Variants in NOP14 observed in about 807,000 individuals in gnomAD.
NOP14 encodes the protein NOP14 nucleolar protein, also known as nucleolar protein 14.
Under a neutral mutation model 101.6 loss-of-function variants are expected in NOP14, and 57 were observed. That is an observed-to-expected ratio of 0.56 (90% CI 0.45 to 0.70). The LOEUF is 0.70. Among genes scored for constraint, NOP14 ranks in the 30% least tolerant of loss-of-function variants. The pLI, the probability that NOP14 is intolerant of heterozygous loss-of-function variation, is 0.00. For synonymous variants in NOP14, 428 were observed against 424.0 expected (o/e 1.01, Z -0.12); for missense variants, 1,134 against 1,075.5 (o/e 1.05, Z -0.76).
At chr4:2,956,645 C>A in intron 3 of NOP14, 25 bp downstream of exon 3, 1 of 1,602,974 alleles carries the variant, frequency 6.2e-7, no homozygotes, top group Non-Finnish European at 8.5e-7. Flanking sequence ...CGCCCACAGG[C>A]CCGTGCACAG....
At chr4:2,943,097 G>A (rs1194147125) in intron 13 of NOP14, among the ~76,000 whole-genome samples, 1 of 152,218 alleles carries the variant, frequency 6.6e-6, no homozygotes, top group Non-Finnish European at 1.5e-5. Context: ...TGGCTCTCCC[G>A]GAGGCAGGGA....
intron 5 of NOP14, 67 bp from the exon 6 acceptor site, chr4:2,952,464 G>C (rs746686384): frequency 7.2e-7 from 1 of 1,395,904 alleles, no homozygotes; most frequent in East Asian, 2.5e-5. Context: ...AAAAAGAAAA[G>C]ATCTAGCTTC....
At chr4:2,963,000 C>T (rs1716218865) in intron 1 of NOP14, 125 bp downstream of exon 1, 1 of 959,754 alleles carries the variant, frequency 1.0e-6, no homozygotes, top group Non-Finnish European at 1.5e-6. Flanking sequence ...CAAGTCAGTG[C>T]CGTGTGCCTG....
At chr4:2,949,609 C>G (rs1238526696) in intron 8 of NOP14, among the ~76,000 whole-genome samples, 1 of 152,184 alleles carries the variant, frequency 6.6e-6, no homozygotes, top group Non-Finnish European at 1.5e-5. Context: ...AGCCTTCTCG[C>G]AGATGCTCAC....
chr4:2,961,057 T>C (rs1201008295), intron 1 of NOP14, among the ~76,000 whole-genome samples: 5 of 116,152 alleles, frequency 4.3e-5, no homozygotes, highest in Admixed American at 2.1e-4. Flanking sequence ...TAATACTACA[T>C]CAATATTATA....
intron 11 of NOP14, 37 bp downstream of exon 11, chr4:2,946,374 CT>C: frequency 6.2e-7 from 1 of 1,611,050 alleles, no homozygotes; most frequent in Non-Finnish European, 8.5e-7. Flanking sequence ...AACAGAACTT[CT>C]GTGGCAGGGG....
At chr4:2,955,460 CCCT>C (rs1463990872) in intron 3 of NOP14, among the ~76,000 whole-genome samples, 1 of 140,358 alleles carries the variant, frequency 7.1e-6, no homozygotes, top group East Asian at 2.2e-4. Flanking sequence ...CCACAGCGCC[CCCT>C]CTAGTCACCT....
At chr4:2,942,911 G>C (rs1560296155) in intron 13 of NOP14, among the ~76,000 whole-genome samples, 1 of 152,200 alleles carries the variant, frequency 6.6e-6, no homozygotes, top group Non-Finnish European at 1.5e-5. Flanking sequence ...CACGGGGAGG[G>C]GTGGAGAGTG....
chr4:2,949,231 T>A (rs1290108637), intron 8 of NOP14, among the ~76,000 whole-genome samples: 1 of 152,178 alleles, frequency 6.6e-6, no homozygotes, highest in African/African-American at 2.4e-5. Context: ...TGAGACAGGG[T>A]CTTGCTCTGT....
intron 14 of NOP14, 36 bp from the exon 15 acceptor site, chr4:2,941,765 TTC>T (rs1156778904): frequency 1.0e-5 from 16 of 1,599,736 alleles, no homozygotes; most frequent in South Asian, 2.3e-5. Context: ...GTCCAACTTG[TTC>T]TGTTTGTCAC....
chr4:2,950,383 C>G (rs558200798), intron 7 of NOP14, 170 bp from the exon 8 acceptor site: 25 of 661,890 alleles, frequency 3.8e-5, no homozygotes, highest in Non-Finnish European at 5.4e-5. Flanking sequence ...GCCCACCACC[C>G]GCTTCTAGGC....
chr4:2,959,075 G>C (rs1404109808), intron 1 of NOP14, among the ~76,000 whole-genome samples: 1 of 152,190 alleles, frequency 6.6e-6, no homozygotes, highest in Non-Finnish European at 1.5e-5. Flanking sequence ...ACTTTGAAAT[G>C]TGAAAGTGCT....
chr4:2,951,301 G>C (rs959457286), intron 6 of NOP14, 56 bp from the exon 7 acceptor site: 1 of 1,567,746 alleles, frequency 6.4e-7, no homozygotes, highest in African/African-American at 1.3e-5. Context: ...TATGGTGAGG[G>C]GGCCGTGCAG....
intron 14 of NOP14, 22 bp from the exon 15 acceptor site, chr4:2,941,751 G>A: frequency 2.5e-6 from 4 of 1,608,078 alleles, no homozygotes; most frequent in African/African-American, 2.7e-5. Flanking sequence ...GGAGGCAAGA[G>A]GAGGTCCAAC....
chr4:2,942,063 G>A (rs1474819353), intron 14 of NOP14, 129 bp downstream of exon 14: 14 of 870,872 alleles, frequency 1.6e-5, no homozygotes, highest in African/African-American at 3.4e-5. Context: ...AAAGGCTTTC[G>A]GCCTCCATCA....
Position 2,939,571 on chromosome 4 carries a change from G to C in NOP14, c.2274C>G (p.Ser758Arg), listed in dbSNP as rs754680267. 4.3e-6 allele frequency: 7 copies of C among 1,613,884 alleles called. No individual in the cohort carries two copies. Among genetic ancestry groups the C allele is most frequent in the Non-Finnish European group, 5.9e-6 (7 of 1,180,036 alleles). ...QLCRPLTCEK[S>R]KPVPLKLFTP... ...TGAAAAGCTTCAGTGGGACAGGCTT[G>C]CTCTTCTCACAGGTCAGCGGCCGGC... Residue 758 changes from serine (S) to arginine (R), a missense_variant, in exon 16 of 18, where the codon AGC becomes AGG. Transcript: ENST00000416614.
At chr4:2,948,525 G>C (rs1714812479) in intron 8 of NOP14, 117 bp from the exon 9 acceptor site, 2 of 769,634 alleles carry the variant, frequency 2.6e-6, no homozygotes, top group Non-Finnish European at 3.6e-6. Context: ...TGCAATCTCA[G>C]CTCACTGAAA....
At position 2,942,269 on chromosome 4, in the gene NOP14, C is replaced by A; in HGVS notation, c.1974G>T (p.Thr658=). The A allele has an allele frequency of 1.2e-6, 2 of 1,614,100 alleles. No individual in the cohort carries two copies. The highest frequency in any genetic ancestry group is 1.7e-6 in the Non-Finnish European group (2 of 1,180,032). ...GGAGGGAGAGGCTGCTCTGCTGCCA[C>A]GTGGCCACATCCTCTCTAGCAGACA... The part of the protein sequence containing the change: ...LVVSAREDVA[T]WQQSSLSLRW... The change falls in exon 14 of 18, where the codon ACG becomes ACT. Residue 658 remains threonine, a synonymous_variant. Coordinates refer to ENST00000416614, the MANE Select transcript of NOP14 (RefSeq NM_001291978.2).
chr4:2,957,790 C>G, intron 1 of NOP14, 50 bp from the exon 2 acceptor site: 1 of 1,596,786 alleles, frequency 6.3e-7, no homozygotes, highest in Non-Finnish European at 8.6e-7. Flanking sequence ...GTGATTTCCA[C>G]TACAGGGGAC....
Sources: allele counts gnomAD v4.1 joint callset (sites outside exome capture counted in the v4.1 genomes callset), GRCh38; gene constraint gnomAD v4.1.1; transcripts MANE v1.5; gene names NCBI Gene and HGNC (gene_info 2026-07-23, HGNC 2026-07-21).